Variants in FIP1L1 observed in about 807,000 individuals in gnomAD.
FIP1L1 encodes the protein factor interacting with PAPOLA and CPSF1, also known as pre-mRNA 3'-end-processing factor FIP1.
FIP1L1 carries 21 observed loss-of-function variants against 84.6 expected under a neutral mutation model. That is an observed-to-expected ratio of 0.25 (90% CI 0.18 to 0.36). FIP1L1 has a LOEUF of 0.36. Ranked by LOEUF, FIP1L1 falls within the 10% of genes least tolerant of loss-of-function variation. The pLI, the probability that FIP1L1 is intolerant of heterozygous loss-of-function variation, is 1.00. For synonymous variants in FIP1L1, 263 were observed against 242.3 expected (o/e 1.09, Z -0.80); for missense variants, 526 against 751.1 (o/e 0.70, Z 3.50).
At chr4:53,437,711 A>G (rs1770038269) in intron 13 of FIP1L1, among the ~76,000 whole-genome samples, 1 of 151,336 alleles carries the variant, frequency 6.6e-6, no homozygotes, top group Non-Finnish European at 1.5e-5. Flanking sequence ...TTATTTATTT[A>G]TTTATTTATT....
Position 53,428,128 on chromosome 4 carries a change from A to G in FIP1L1, c.1119A>G (p.Pro373=). Reference sequence around the variant, plus strand: ...CTCCCACTCACCTTCCACCTCCTCCATTTCTTCCACCTCCTCCGACTGTCA... The same window carrying G: ...CTCCCACTCACCTTCCACCTCCTCCGTTTCTTCCACCTCCTCCGACTGTCA... The part of the protein sequence containing the change: ...GAPPTHLPPP[P]FLPPPPTVST... The change falls in exon 13 of 18, where the codon CCA becomes CCG. Residue 373 remains proline (P), a synonymous_variant. Coordinates refer to ENST00000337488, the MANE Select transcript of FIP1L1 (RefSeq NM_030917.4). 6.2e-7 allele frequency: 1 copy of G among 1,607,974 alleles called. No individual in the cohort carries two copies.
intron 12 of FIP1L1, among the ~76,000 whole-genome samples, chr4:53,426,807 A>T (rs1764538216): frequency 6.6e-6 from 1 of 152,130 alleles, no homozygotes; most frequent in African/African-American, 2.4e-5. Flanking sequence ...ACATTTCTGG[A>T]GGTGGCGTAG....
chr4:53,383,965 T>G, intron 5 of FIP1L1, 89 bp downstream of exon 5: 5 of 1,175,840 alleles, frequency 4.3e-6, no homozygotes, highest in Non-Finnish European at 5.8e-6. Flanking sequence ...GTTGAGTCCA[T>G]TGTTTTTACA....
chr4:53,418,951 C>G (rs574603797), intron 11 of FIP1L1, among the ~76,000 whole-genome samples: 2 of 152,276 alleles, frequency 1.3e-5, no homozygotes, highest in East Asian at 3.9e-4. Context: ...GGCATTTGAT[C>G]AAGTGCTCTG....
At chr4:53,389,455 C>CTTTT (rs34929012) in intron 5 of FIP1L1, among the ~76,000 whole-genome samples, 67 of 150,572 alleles carry the variant, frequency 4.4e-4, no homozygotes, top group African/African-American at 1.6e-3. Context: ...ACAAGTCAGG[C>CTTTT]TTTTTTTTTT....
chr4:53,424,353 A>G (rs1381485779), intron 11 of FIP1L1, among the ~76,000 whole-genome samples: 1 of 152,090 alleles, frequency 6.6e-6, no homozygotes, highest in Non-Finnish European at 1.5e-5. Flanking sequence ...AAATGGAAGC[A>G]ATATTTGTTT....
chr4:53,401,949 G>A (rs933775466), intron 10 of FIP1L1, among the ~76,000 whole-genome samples: 3 of 152,152 alleles, frequency 2.0e-5, no homozygotes, highest in African/African-American at 7.2e-5. Context: ...AAAGAGGTAA[G>A]TATTGATAGA....
chr4:53,407,548 C>G (rs1754345486), intron 10 of FIP1L1, among the ~76,000 whole-genome samples: 3 of 151,618 alleles, frequency 2.0e-5, no homozygotes, highest in Non-Finnish European at 4.4e-5. Context: ...GAGCTGAGTT[C>G]AAGTCCTGGG....
intron 13 of FIP1L1, among the ~76,000 whole-genome samples, chr4:53,436,337 C>A (rs1049265345): frequency 6.6e-6 from 1 of 152,194 alleles, no homozygotes; most frequent in Non-Finnish European, 1.5e-5. Context: ...TATTTGTCTC[C>A]AAGCTCACTC....
At chr4:53,392,293 T>G (rs1014685709) in intron 9 of FIP1L1, among the ~76,000 whole-genome samples, 1 of 152,270 alleles carries the variant, frequency 6.6e-6, no homozygotes, top group African/African-American at 2.4e-5. Context: ...CAGGGAACTT[T>G]AGTGGACTGG....
At chr4:53,456,449 A>G (rs1718993550) in intron 16 of FIP1L1, among the ~76,000 whole-genome samples, 1 of 152,130 alleles carries the variant, frequency 6.6e-6, no homozygotes, top group Admixed American at 6.6e-5. Context: ...AGAGGCAAAA[A>G]GTGGAGGAAT....
chr4:53,429,034 T>TA (rs1765463921), intron 13 of FIP1L1, among the ~76,000 whole-genome samples: 1 of 152,228 alleles, frequency 6.6e-6, no homozygotes, highest in African/African-American at 2.4e-5. Flanking sequence ...GCAAGAGAGC[T>TA]GTCTTTGTTT....
chr4:53,426,817 G>C (rs1764542750), intron 12 of FIP1L1, among the ~76,000 whole-genome samples: 1 of 152,126 alleles, frequency 6.6e-6, no homozygotes, highest in South Asian at 2.1e-4. Context: ...AGGTGGCGTA[G>C]AGCTGCTTTG....
intron 3 of FIP1L1, among the ~76,000 whole-genome samples, chr4:53,381,003 G>A (rs1159201013): frequency 6.6e-6 from 1 of 152,050 alleles, no homozygotes; most frequent in Middle Eastern, 3.4e-3. Flanking sequence ...AAATTTATTG[G>A]AGGGAACCTT....
chr4:53,442,537 A>T, intron 13 of FIP1L1, 116 bp from the exon 14 acceptor site: 2 of 692,278 alleles, frequency 2.9e-6, no homozygotes, highest in Non-Finnish European at 5.1e-6. Context: ...TTATTACAAC[A>T]TAGAGAAGCA....
At chr4:53,428,328 G>T (rs1765137502) in intron 13 of FIP1L1, 145 bp downstream of exon 13, 7 of 684,344 alleles carry the variant, frequency 1.0e-5, no homozygotes, top group Middle Eastern at 2.8e-4. Flanking sequence ...CACTGAAACA[G>T]ATATATATAT....
At chr4:53,424,215 T>C (rs1763476463) in intron 11 of FIP1L1, among the ~76,000 whole-genome samples, 1 of 152,112 alleles carries the variant, frequency 6.6e-6, no homozygotes, top group African/African-American at 2.4e-5. Context: ...AATTACAGCC[T>C]CAGAATGCAC....
chr4:53,455,389 A>G (rs1329975130), intron 16 of FIP1L1, among the ~76,000 whole-genome samples: 1 of 152,084 alleles, frequency 6.6e-6, no homozygotes, highest in Non-Finnish European at 1.5e-5. Flanking sequence ...AAGCTTAATC[A>G]TTTTTAGCTT....
At chr4:53,422,137 G>A (rs935943074) in intron 11 of FIP1L1, among the ~76,000 whole-genome samples, 1 of 152,000 alleles carries the variant, frequency 6.6e-6, no homozygotes, top group Non-Finnish European at 1.5e-5. Flanking sequence ...CCATATTTTT[G>A]AAAACATGAG....
Sources: gnomAD v4.1 joint callset for allele counts (sites outside exome capture counted in the v4.1 genomes callset) on GRCh38, gnomAD v4.1.1 for gene constraint, MANE v1.5 for transcripts, NCBI Gene and HGNC (gene_info 2026-07-23, HGNC 2026-07-21) for gene names.